CWF19L2: variants seen among roughly 807,000 people sequenced by gnomAD.
The protein encoded by CWF19L2 is CWF19-like protein 2.
Under a neutral mutation model 111.7 loss-of-function variants are expected in CWF19L2, and 98 were observed. That is an observed-to-expected ratio of 0.88 (90% CI 0.75 to 1.04). CWF19L2 has a LOEUF of 1.04. Ranked by LOEUF, CWF19L2 falls within the 50% of genes least tolerant of loss-of-function variation. The pLI is 0.00. For synonymous variants in CWF19L2, 351 were observed against 342.9 expected (o/e 1.02, Z -0.26); for missense variants, 1,101 against 1,051.4 (o/e 1.05, Z -0.65).
rs1861153371 is a variant in CWF19L2 at position 107,411,237 on chromosome 11, C to A, written c.1617+4972G>T. ...CTCTCCTGCTATGGAAGGACCTTAA[C>A]CTGCCTAAAACAGTTAATTTCCCTT... On this transcript the variant is annotated intron_variant, in intron 10 of 17. Coordinates refer to ENST00000282251, the MANE Select transcript of CWF19L2 (RefSeq NM_152434.3). 2.6e-5 allele frequency among the ~76,000 whole-genome samples: 4 copies of A among 152,122 alleles called. No individual in the cohort carries two copies. In the South Asian group the frequency reaches 6.2e-4, roughly 24 times the overall value.
intron 12 of CWF19L2, among the ~76,000 whole-genome samples, chr11:107,372,454 G>A (rs977302956): frequency 2.2e-5 from 3 of 136,380 alleles, no homozygotes; most frequent in Admixed American, 7.2e-5. Flanking sequence ...AAATCAACAC[G>A]GATGGAGCAG....
intron 12 of CWF19L2, among the ~76,000 whole-genome samples, chr11:107,361,209 G>A (rs1273836807): frequency 1.3e-5 from 2 of 152,196 alleles, no homozygotes; most frequent in African/African-American, 2.4e-5. Context: ...ACTGAAAAGA[G>A]TATCTTTTCC....
chr11:107,349,733 T>C (rs573449), intron 13 of CWF19L2, among the ~76,000 whole-genome samples: 79,082 of 151,902 alleles, frequency 0.52, 21,262 homozygotes, highest in African/African-American at 0.67. Flanking sequence ...AGAAATATTT[T>C]GCATGGCAGA....
chr11:107,352,595 T>C (rs1860173163), intron 13 of CWF19L2, among the ~76,000 whole-genome samples: 1 of 152,164 alleles, frequency 6.6e-6, no homozygotes, highest in Admixed American at 6.6e-5. Context: ...GAAAGGAACT[T>C]AGAAAAATAA....
rs1339378143 is a variant in CWF19L2 at position 107,347,158 on chromosome 11, A to T, written c.2202+1779T>A. Among the ~76,000 whole-genome samples, 3 of 152,186 alleles carry T rather than the reference A, an allele frequency of 2.0e-5. No individual in the cohort carries two copies. The East Asian group carries it at 5.8e-4, about 29-fold the overall frequency. On this transcript the variant is annotated intron_variant, in intron 14 of 17. Coordinates refer to ENST00000282251, the MANE Select transcript of CWF19L2 (RefSeq NM_152434.3). Reference sequence around the variant, plus strand: ...AAACAAAACCAGCAATTTGGATCTTATTTGAAATCTGTGATTACTCAAGTA... The same window carrying T: ...AAACAAAACCAGCAATTTGGATCTTTTTTGAAATCTGTGATTACTCAAGTA...
At chr11:107,347,037 A>G (rs935633338) in intron 14 of CWF19L2, among the ~76,000 whole-genome samples, 1 of 152,190 alleles carries the variant, frequency 6.6e-6, no homozygotes, top group African/African-American at 2.4e-5. Context: ...GATATTTTTT[A>G]AATGGGCTTA....
At chr11:107,432,100 T>C (rs976360892) in intron 7 of CWF19L2, among the ~76,000 whole-genome samples, 4 of 152,242 alleles carry the variant, frequency 2.6e-5, no homozygotes, top group Admixed American at 2.6e-4. Flanking sequence ...GGGATTTTGA[T>C]AGGTAAAAAT....
chr11:107,393,763 T>C (rs957581227), intron 10 of CWF19L2, among the ~76,000 whole-genome samples: 1 of 152,128 alleles, frequency 6.6e-6, no homozygotes, highest in African/African-American at 2.4e-5. Context: ...GCAATTATCC[T>C]AAGTGAAATA....
At chr11:107,330,673 C>G (rs1859836377) in intron 16 of CWF19L2, among the ~76,000 whole-genome samples, 1 of 146,370 alleles carries the variant, frequency 6.8e-6, no homozygotes, top group South Asian at 2.2e-4. Context: ...CACACACACA[C>G]ACACACACAC....
intron 10 of CWF19L2, among the ~76,000 whole-genome samples, chr11:107,402,873 G>GTATGTGTATA (rs1555023389): frequency 1.1e-5 from 1 of 94,468 alleles, no homozygotes; most frequent in Admixed American, 1.2e-4. Context: ...ACTGTGGTGT[G>GTATGTGTATA]TATATATATA....
At chr11:107,345,663 C>T (rs913897999) in intron 14 of CWF19L2, among the ~76,000 whole-genome samples, 1 of 152,074 alleles carries the variant, frequency 6.6e-6, no homozygotes, top group Non-Finnish European at 1.5e-5. Context: ...CTCTCTTTCC[C>T]TCTCTCTATA....
chr11:107,423,155 C>A (rs1299410195), intron 8 of CWF19L2, among the ~76,000 whole-genome samples: 3 of 151,750 alleles, frequency 2.0e-5, no homozygotes, highest in Non-Finnish European at 4.4e-5. Flanking sequence ...TTTTTCAGTA[C>A]TTTTTCAAAT....
At position 107,439,072 on chromosome 11, in the gene CWF19L2, A is replaced by G; in HGVS notation, c.664+18T>C. On this transcript the variant is annotated intron_variant, in intron 6 of 17. Coordinates refer to ENST00000282251, the MANE Select transcript of CWF19L2 (RefSeq NM_152434.3). ...AAAAAAAAAACCCTGTGTGTCTATA[A>G]TCAAAATGTAGAAATACCTTTAGTA... is the stretch of plus-strand genomic sequence containing the variant. The G allele has an allele frequency of 9.0e-7, 1 of 1,111,122 alleles. No individual in the cohort carries two copies. Among genetic ancestry groups the G allele is most frequent in the Non-Finnish European group, 1.3e-6 (1 of 760,112 alleles). 68.8% of individuals were successfully genotyped at this position (1,111,122 alleles called of 1,614,324 possible). A position where few individuals can be genotyped will look rare whatever the true frequency, so the allele number is the denominator to read the frequency against.
In CWF19L2 at chr11:107,434,686, A is replaced by AAG. The variant is rs1555027650; in HGVS notation, c.665-938_665-937insCT. 9.4e-3 allele frequency among the ~76,000 whole-genome samples: 1,300 copies of AAG among 138,488 alleles called. 19 individuals are homozygous for AAG. Among genetic ancestry groups the AAG allele is most frequent in the African/African-American group, 0.036 (1,225 of 33,674 alleles). The allele number at this position is 138,488 out of a possible 152,430, so 90.9% of individuals were successfully genotyped here. A position where few individuals can be genotyped will look rare whatever the true frequency, so the allele number is the denominator to read the frequency against. ...ATATTACACAGCAAAAAAAAAAAAAAAAAGAAAAAACTACAACTATATACA... is the reference window on the plus strand; with the variant it reads ...ATATTACACAGCAAAAAAAAAAAAAAAGAAAGAAAAAACTACAACTATATACA... On this transcript the variant is annotated intron_variant, in intron 6 of 17. Transcript: ENST00000282251.
intron 3 of CWF19L2, among the ~76,000 whole-genome samples, chr11:107,446,850 G>A (rs1222732616): frequency 6.6e-6 from 1 of 152,102 alleles, no homozygotes; most frequent in Non-Finnish European, 1.5e-5. Context: ...TGCTCCCCAT[G>A]CTACGACTTC....
intron 8 of CWF19L2, among the ~76,000 whole-genome samples, chr11:107,428,242 T>C (rs931397503): frequency 3.9e-5 from 6 of 152,148 alleles, no homozygotes; most frequent in African/African-American, 1.4e-4. Context: ...TTTAAAACTC[T>C]AATATTATCT....
intron 10 of CWF19L2, among the ~76,000 whole-genome samples, chr11:107,406,837 T>C (rs1861085637): frequency 6.6e-6 from 1 of 151,712 alleles, no homozygotes; most frequent in Non-Finnish European, 1.5e-5. Context: ...GTATCTACTC[T>C]TTGTTATGTT....
At chr11:107,416,512 G>A (rs986585130) in intron 9 of CWF19L2, among the ~76,000 whole-genome samples, 1 of 152,054 alleles carries the variant, frequency 6.6e-6, no homozygotes, top group Non-Finnish European at 1.5e-5. Context: ...ATGCTTCAAA[G>A]ATAAATAATT....
chr11:107,426,381 T>A (rs1004622486), intron 8 of CWF19L2, among the ~76,000 whole-genome samples: 1 of 152,018 alleles, frequency 6.6e-6, no homozygotes, highest in Admixed American at 6.6e-5. Context: ...CAATGCAATA[T>A]AAAAGTCTAA....
Sources: gnomAD v4.1 joint callset for allele counts (sites outside exome capture counted in the v4.1 genomes callset) on GRCh38, gnomAD v4.1.1 for gene constraint, MANE v1.5 for transcripts, NCBI Gene and HGNC (gene_info 2026-07-23, HGNC 2026-07-21) for gene names.